Variants in BRINP1 observed in about 807,000 individuals in gnomAD.
The protein encoded by BRINP1 is BMP/retinoic acid-inducible neural-specific protein 1.
A neutral mutation model predicts 72.9 loss-of-function variants in BRINP1; 17 were observed. The observed-to-expected ratio is 0.23, with a 90% CI of 0.16 to 0.35. BRINP1 has a LOEUF of 0.35. BRINP1 is among the 10% of genes least tolerant of loss of function. The pLI is 1.00. For missense variants in BRINP1, 850 were observed against 1,001.6 expected (o/e 0.85, Z 2.04); for synonymous variants, 418 against 378.5 (o/e 1.10, Z -1.21).
intron 5 of BRINP1, among the ~76,000 whole-genome samples, chr9:119,234,463 T>G (rs1830175601): frequency 6.6e-6 from 1 of 152,202 alleles, no homozygotes; most frequent in African/African-American, 2.4e-5. Context: ...CTTACAAGAC[T>G]ATTTCCCTTT....
chr9:119,272,060 T>C (rs529598273), intron 2 of BRINP1, among the ~76,000 whole-genome samples: 7 of 146,002 alleles, frequency 4.8e-5, no homozygotes, highest in Non-Finnish European at 1.0e-4. Flanking sequence ...AAATTATTAT[T>C]TATTTATTTA....
At chr9:119,265,784 CA>C (rs1830542691) in intron 2 of BRINP1, among the ~76,000 whole-genome samples, 1 of 152,050 alleles carries the variant, frequency 6.6e-6, no homozygotes, top group Non-Finnish European at 1.5e-5. Context: ...TTCATATAGG[CA>C]AATTGTGTGT....
chr9:119,211,727 T>C (rs867959735), intron 6 of BRINP1, among the ~76,000 whole-genome samples: 7 of 152,184 alleles, frequency 4.6e-5, no homozygotes, highest in Admixed American at 6.5e-5. Flanking sequence ...TGCACAAGGC[T>C]GTGATGCACA....
chr9:119,232,272 G>T (rs767605751), intron 5 of BRINP1, among the ~76,000 whole-genome samples: 1 of 152,152 alleles, frequency 6.6e-6, no homozygotes, highest in Non-Finnish European at 1.5e-5. Context: ...CAACTGTCAT[G>T]ATCTAAGCCA....
chr9:119,198,576 G>A (rs1458235866), intron 7 of BRINP1, among the ~76,000 whole-genome samples: 1 of 151,964 alleles, frequency 6.6e-6, no homozygotes, highest in Non-Finnish European at 1.5e-5. Context: ...TTACCCAACA[G>A]AAACATCCAC....
At chr9:119,285,595 T>C (rs1830753699) in intron 2 of BRINP1, among the ~76,000 whole-genome samples, 1 of 152,188 alleles carries the variant, frequency 6.6e-6, no homozygotes, top group Non-Finnish European at 1.5e-5. Context: ...TCTAATTATT[T>C]ATCTAATTGT....
At chr9:119,294,474 C>T (rs893975425) in intron 2 of BRINP1, among the ~76,000 whole-genome samples, 12 of 151,848 alleles carry the variant, frequency 7.9e-5, no homozygotes, top group African/African-American at 2.4e-4. Flanking sequence ...TGCAGTGAGC[C>T]GAGATCATAC....
intron 1 of BRINP1, among the ~76,000 whole-genome samples, chr9:119,319,400 C>A (rs117434428): frequency 6.6e-6 from 1 of 152,200 alleles, no homozygotes; most frequent in African/African-American, 2.4e-5. Context: ...CGCAGAGCAC[C>A]AGAAATGAAA....
intron 2 of BRINP1, among the ~76,000 whole-genome samples, chr9:119,254,226 G>GAAACAAATA (rs1305517542): frequency 2.6e-5 from 4 of 152,114 alleles, no homozygotes; most frequent in Admixed American, 2.0e-4. Context: ...AGATAACAAA[G>GAAACAAATA]AAACAAATAT....
intron 2 of BRINP1, among the ~76,000 whole-genome samples, chr9:119,291,916 A>C (rs557576568): frequency 6.6e-6 from 1 of 152,316 alleles, no homozygotes; most frequent in South Asian, 2.1e-4. Context: ...CTCTACCCTG[A>C]AGCATGGTGA....
chr9:119,345,067 T>G lies in BRINP1; in HGVS notation c.-51+23989A>C, dbSNP rs369205252. 1.4e-4 allele frequency among the ~76,000 whole-genome samples: 22 copies of G among 152,332 alleles called. No homozygotes were observed. In the East Asian group the frequency reaches 1.7e-3, roughly 12 times the overall value. ...AGCATCCAGATGGCAGCCTAATCTCTGGGAACAAGTGAAATCGAGAGAGCC... is the reference window on the plus strand; with the variant it reads ...AGCATCCAGATGGCAGCCTAATCTCGGGGAACAAGTGAAATCGAGAGAGCC... On this transcript the variant is annotated intron_variant, in intron 1 of 7. Transcript: ENST00000265922.
chr9:119,261,905 T>C (rs749737882), intron 2 of BRINP1, among the ~76,000 whole-genome samples: 4 of 151,430 alleles, frequency 2.6e-5, no homozygotes, highest in Non-Finnish European at 5.9e-5. Flanking sequence ...TCTCTCTCTC[T>C]CTCCCTCCCT....
intron 7 of BRINP1, among the ~76,000 whole-genome samples, chr9:119,191,091 T>C (rs1023068953): frequency 1.3e-5 from 2 of 152,030 alleles, no homozygotes; most frequent in African/African-American, 4.8e-5. Context: ...AAACATTTTT[T>C]CTTGTTAAAA....
chr9:119,253,249 A>G (rs1473490159), intron 2 of BRINP1, among the ~76,000 whole-genome samples: 2 of 152,230 alleles, frequency 1.3e-5, no homozygotes, highest in African/African-American at 4.8e-5. Flanking sequence ...TGATTCAGCA[A>G]TGCCACTACT....
chr9:119,318,841 T>TGGGGG (rs144791296), intron 1 of BRINP1, among the ~76,000 whole-genome samples: 26 of 114,814 alleles, frequency 2.3e-4, no homozygotes, highest in South Asian at 8.7e-4. Context: ...GAGAAATGTG[T>TGGGGG]GGGGTGTGTG....
chr9:119,270,962 A>G (rs1405630129), intron 2 of BRINP1, among the ~76,000 whole-genome samples: 2 of 152,210 alleles, frequency 1.3e-5, no homozygotes, highest in Non-Finnish European at 2.9e-5. Flanking sequence ...AAAATAGAGT[A>G]AGTATAAGAA....
In BRINP1 at chr9:119,242,121, A is replaced by T. The variant is rs2118912144; in HGVS notation, c.505T>A (p.Ser169Thr). The change falls in exon 4 of 8, where the codon TCA (serine) becomes ACA (threonine). Residue 169 changes from serine to threonine, a missense_variant. Transcript: ENST00000265922. ...QSVEALHQLA[S>T]SYFVDRDGTM... ...CCATCACGGTCAACAAAGTAGGATG[A>T]TGCGAGCTGGTGCAGAGCTTCAACA... 2 of 1,614,136 alleles carry T rather than the reference A, an allele frequency of 1.2e-6. No homozygotes were observed. The highest frequency in any genetic ancestry group is 1.7e-6 in the Non-Finnish European group (2 of 1,180,024).
intron 1 of BRINP1, among the ~76,000 whole-genome samples, chr9:119,355,621 C>T (rs1159825309): frequency 6.6e-6 from 1 of 150,712 alleles, no homozygotes; most frequent in Admixed American, 6.7e-5. Context: ...CCCAGCTACT[C>T]GGGAAGCTGA....
At chr9:119,289,344 T>C (rs1005081814) in intron 2 of BRINP1, among the ~76,000 whole-genome samples, 2 of 152,184 alleles carry the variant, frequency 1.3e-5, no homozygotes, top group African/African-American at 4.8e-5. Context: ...TGTAAGACGA[T>C]GAAGAACTGG....
Sources: gnomAD v4.1 joint callset for allele counts (sites outside exome capture counted in the v4.1 genomes callset) on GRCh38, gnomAD v4.1.1 for gene constraint, MANE v1.5 for transcripts, NCBI Gene and HGNC (gene_info 2026-07-23, HGNC 2026-07-21) for gene names.